Variants in OSBP2 observed in about 807,000 individuals in gnomAD.
OSBP2 encodes the protein oxysterol-binding protein 2.
A neutral mutation model predicts 96.0 loss-of-function variants in OSBP2; 66 were observed. The ratio of observed to expected loss-of-function variants is 0.69; its 90% CI spans 0.56 to 0.84. OSBP2 has a LOEUF of 0.84. Among genes scored for constraint, OSBP2 ranks in the 40% least tolerant of loss-of-function variants. The pLI, the probability that OSBP2 is intolerant of heterozygous loss-of-function variation, is 0.00. For synonymous variants in OSBP2, 525 were observed against 520.9 expected (o/e 1.01, Z -0.11); for missense variants, 1,038 against 1,222.7 (o/e 0.85, Z 2.25).
intron 2 of OSBP2, among the ~76,000 whole-genome samples, chr22:30,847,233 C>T (rs571389459): frequency 2.0e-5 from 3 of 152,038 alleles, no homozygotes; most frequent in Admixed American, 2.0e-4. Flanking sequence ...TTACCTCGGC[C>T]TCCCAAAGTG....
At chr22:30,762,849 G>A (rs1044934940) in intron 2 of OSBP2, among the ~76,000 whole-genome samples, 2 of 152,314 alleles carry the variant, frequency 1.3e-5, no homozygotes, top group East Asian at 1.9e-4. Context: ...GCATGGTAGC[G>A]TAGCAGTTAG....
chr22:30,824,951 G>C (rs546355156), intron 2 of OSBP2, among the ~76,000 whole-genome samples: 1 of 152,142 alleles, frequency 6.6e-6, no homozygotes, highest in African/African-American at 2.4e-5. Context: ...TCCTGACTCT[G>C]CTGCTCGGCT....
rs532496158 is a variant in OSBP2, at chr22:30,794,511, C to T, written c.853+53142C>T. Among the ~76,000 whole-genome samples the T allele has an allele frequency of 4.1e-4, 63 of 152,060 alleles. No individual in the cohort carries two copies. The South Asian group carries it at 0.011, about 28-fold the overall frequency. On this transcript the variant is annotated intron_variant, in intron 2 of 13. Coordinates refer to ENST00000332585, the MANE Select transcript of OSBP2 (RefSeq NM_030758.4). ...AACTCCTGACCTCGAGTGATCCGCC[C>T]GCCTCAGCCTCCCAAAGTGCTGGGA...
In OSBP2 at chr22:30,695,521, C is replaced by G. The variant is rs766552778; in HGVS notation, c.612C>G (p.Phe204Leu). The G allele has an allele frequency of 2.7e-5, 43 of 1,611,544 alleles. No individual in the cohort carries two copies. Among genetic ancestry groups the G allele is most frequent in the Non-Finnish European group, 3.6e-5 (42 of 1,179,968 alleles). ...NYLKGYQRRW[F>L]VLGNGLLSYY... ...TGAAGGGCTACCAGCGCCGCTGGTT[C>G]GTGCTGGGCAATGGTTTGCTCTCTT... The change falls in exon 1 of 14, where the codon TTC becomes TTG. Residue 204 changes from phenylalanine (F) to leucine (L), a missense_variant. Transcript: ENST00000332585.
chr22:30,800,182 A>G (rs2090829649), intron 2 of OSBP2, among the ~76,000 whole-genome samples: 2 of 152,268 alleles, frequency 1.3e-5, no homozygotes, highest in Admixed American at 6.5e-5. Flanking sequence ...TCTTAGTGGT[A>G]TTGTGGACAC....
Position 30,906,418 on chromosome 22 carries a change from T to A in OSBP2, c.*79T>A. 6.9e-7 allele frequency: 1 copy of A among 1,445,938 alleles called. No homozygotes were observed. Among genetic ancestry groups the A allele is most frequent in the Non-Finnish European group, 9.2e-7 (1 of 1,084,370 alleles). 89.6% of individuals were successfully genotyped at this position (1,445,938 alleles called of 1,614,324 possible). A position where few individuals can be genotyped will look rare whatever the true frequency, so the allele number is the denominator to read the frequency against. The stretch of plus-strand genomic sequence containing the variant: ...TTAATGCACTCAATTTAGTACTGAA[T>A]GGTCTTTCTCCCAGCCCATTCCCAG... On this transcript the variant is annotated 3_prime_UTR_variant, in exon 14 of 14. Transcript: ENST00000332585.
At position 30,753,334 on chromosome 22, in the gene OSBP2, GA is replaced by G. The variant is rs1440580475; in HGVS notation, c.853+11967del. On this transcript the variant is annotated intron_variant, in intron 2 of 13. Coordinates refer to ENST00000332585, the MANE Select transcript of OSBP2 (RefSeq NM_030758.4). ...TGGAGATGGAGGTGAGGAGGGCAGG[GA>G]AGAGGACTCCAGGTGGTGGGCATGG... Among the ~76,000 whole-genome samples the G allele has an allele frequency of 5.3e-5, 8 of 152,226 alleles. No individual in the cohort carries two copies. In the East Asian group the frequency reaches 1.5e-3, roughly 29 times the overall value.
At chr22:30,719,263 G>T (rs2089508907) in intron 1 of OSBP2, among the ~76,000 whole-genome samples, 1 of 152,084 alleles carries the variant, frequency 6.6e-6, no homozygotes, top group African/African-American at 2.4e-5. Flanking sequence ...TGCATGTGCA[G>T]CTGTGTGGCA....
At position 30,708,478 on chromosome 22, in the gene OSBP2, A is replaced by ATTTTTTT. The variant is rs56361178; in HGVS notation, c.644+12947_644+12953dup. On this transcript the variant is annotated intron_variant, in intron 1 of 13. Coordinates refer to ENST00000332585, the MANE Select transcript of OSBP2 (RefSeq NM_030758.4). ...CAGTATATATCTCTAAAGGATAAGGATTTTTTTTTTTTTTTTTTTTTTTTT... is the reference window on the plus strand; with the variant it reads ...CAGTATATATCTCTAAAGGATAAGGATTTTTTTTTTTTTTTTTTTTTTTTTTTTTTTT... Among the ~76,000 whole-genome samples the ATTTTTTT allele has an allele frequency of 5.0e-3, 318 of 63,478 alleles. 57 individuals carry two copies. The highest frequency in any genetic ancestry group is 0.014 in the Middle Eastern group (1 of 70). The allele number at this position is 63,478 out of a possible 152,430, so 41.6% of individuals were successfully genotyped here.
chr22:30,729,602 C>T (rs1459126543), intron 1 of OSBP2, among the ~76,000 whole-genome samples: 1 of 152,176 alleles, frequency 6.6e-6, no homozygotes, highest in Non-Finnish European at 1.5e-5. Flanking sequence ...TGTGCCATTG[C>T]ACTCCAGCCT....
At chr22:30,717,139 C>T (rs1437811961) in intron 1 of OSBP2, among the ~76,000 whole-genome samples, 1 of 126,040 alleles carries the variant, frequency 7.9e-6, no homozygotes, top group Non-Finnish European at 1.7e-5. Flanking sequence ...TGTGTAGAGA[C>T]AGGGTCTCGC....
rs866216396 is a variant in OSBP2, at chr22:30,811,174, C to G, written c.854-59255C>G. 2.3e-4 allele frequency among the ~76,000 whole-genome samples: 32 copies of G among 137,878 alleles called. No homozygotes were observed. In the East Asian group the frequency reaches 4.3e-3, roughly 18 times the overall value. The allele number at this position is 137,878 out of a possible 152,430, so 90.5% of individuals were successfully genotyped here. A position where few individuals can be genotyped will look rare whatever the true frequency, so the allele number is the denominator to read the frequency against. On this transcript the variant is annotated intron_variant, in intron 2 of 13. Transcript: ENST00000332585. ...ATATAAGTATACACAACCCCCCCCC[C>G]ACACATACATATATAAAAATGAGAT...
intron 4 of OSBP2, 124 bp downstream of exon 4, chr22:30,887,742 C>T: frequency 2.7e-6 from 2 of 752,562 alleles, no homozygotes; most frequent in Non-Finnish European, 4.2e-6. Context: ...CCTTGGCCAA[C>T]TCTTGACTGC....
chr22:30,733,689 G>A (rs529571582), intron 1 of OSBP2, among the ~76,000 whole-genome samples: 2 of 152,126 alleles, frequency 1.3e-5, no homozygotes, highest in African/African-American at 2.4e-5. Context: ...TATGTAAGTC[G>A]CTAACCATAG....
chr22:30,709,418 G>A (rs548789692), intron 1 of OSBP2, among the ~76,000 whole-genome samples: 64 of 152,288 alleles, frequency 4.2e-4, no homozygotes, highest in African/African-American at 1.4e-3. Flanking sequence ...ATAGGTGGTG[G>A]TGTGTTCTTC....
intron 2 of OSBP2, among the ~76,000 whole-genome samples, chr22:30,859,719 G>A (rs902020902): frequency 6.6e-6 from 1 of 152,260 alleles, no homozygotes; most frequent in Non-Finnish European, 1.5e-5. Context: ...CGTAGAGACT[G>A]GGAAAAGCAT....
intron 2 of OSBP2, among the ~76,000 whole-genome samples, chr22:30,761,259 C>T (rs1602227503): frequency 1.3e-5 from 2 of 152,140 alleles, no homozygotes; most frequent in African/African-American, 4.8e-5. Flanking sequence ...AACAAGGTCA[C>T]AGAATACAAG....
intron 12 of OSBP2, chr22:30,902,440 A>G (rs1164460612): frequency 6.3e-7 from 1 of 1,586,278 alleles, no homozygotes; most frequent in Non-Finnish European, 8.6e-7. Flanking sequence ...TCATGTGGAC[A>G]TTGCAGAAGG....
intron 2 of OSBP2, among the ~76,000 whole-genome samples, chr22:30,747,411 T>G (rs2090017293): frequency 6.6e-6 from 1 of 152,196 alleles, no homozygotes; most frequent in African/African-American, 2.4e-5. Flanking sequence ...AGCCCATAAG[T>G]TTGAGGTTGC....
Sources: gnomAD v4.1 joint callset for allele counts (sites outside exome capture counted in the v4.1 genomes callset) on GRCh38, gnomAD v4.1.1 for gene constraint, MANE v1.5 for transcripts, NCBI Gene and HGNC (gene_info 2026-07-23, HGNC 2026-07-21) for gene names.